The following KCNT2 variants were observed in gnomAD, a reference collection of about 807,000 sequenced individuals.
KCNT2 encodes potassium sodium-activated channel subfamily T member 2.
A neutral mutation model predicts 153.8 loss-of-function variants in KCNT2; 67 were observed. The observed-to-expected ratio is 0.44, with a 90% confidence interval of 0.36 to 0.53. KCNT2 has a LOEUF of 0.53. Among genes scored for constraint, KCNT2 ranks in the 20% least tolerant of loss-of-function variants. The pLI, the probability that KCNT2 is intolerant of heterozygous loss-of-function variation, is 0.00. For missense variants in KCNT2, 975 were observed against 1,354.8 expected (o/e 0.72, Z 4.40); for synonymous variants, 500 against 458.8 (o/e 1.09, Z -1.15).
rs376225122 is a variant in KCNT2, at chr1:196,513,586, C to T, written c.96-21245G>A. ...ACTTTTAAGAAAAAAATGAACAACTCTTACGTTAACTAAGCTCTCTTTTGC... is the reference window on the plus strand; with the variant it reads ...ACTTTTAAGAAAAAAATGAACAACTTTTACGTTAACTAAGCTCTCTTTTGC... On this transcript the variant is annotated intron_variant, in intron 1 of 27. Coordinates refer to ENST00000294725, the MANE Select transcript of KCNT2 (RefSeq NM_198503.5). Among the ~76,000 whole-genome samples, 46 of 152,304 alleles carry T rather than the reference C, an allele frequency of 3.0e-4. No individual in the cohort carries two copies. In the South Asian group the frequency reaches 9.1e-3, roughly 30 times the overall value.
At chr1:196,549,988 A>T (rs912583632) in intron 1 of KCNT2, among the ~76,000 whole-genome samples, 2 of 151,904 alleles carry the variant, frequency 1.3e-5, no homozygotes, top group African/African-American at 4.8e-5. Context: ...AAAGACAGAC[A>T]TCATGTACTT....
At position 196,583,539 on chromosome 1, in the gene KCNT2, G is replaced by A. The variant is rs1035861427; in HGVS notation, c.95+24676C>T. On this transcript the variant is annotated intron_variant, in intron 1 of 27. Transcript: ENST00000294725. The stretch of plus-strand genomic sequence containing the variant: ...AGTTTAAACAAAGCAAACTAGAAAT[G>A]AAAAGAGCAAAGAACCAAGGAAGAA... Among the ~76,000 whole-genome samples the A allele has an allele frequency of 9.2e-5, 14 of 152,040 alleles. No homozygotes were observed. The South Asian group carries it at 2.5e-3, about 27-fold the overall frequency.
intron 26 of KCNT2, chr1:196,257,330 T>A: frequency 1.0e-6 from 1 of 982,174 alleles, no homozygotes; most frequent in African/African-American, 1.7e-5. Flanking sequence ...GACTAAAATT[T>A]CTTCCTAAGA....
At chr1:196,497,154 A>G (rs1474065954) in intron 1 of KCNT2, among the ~76,000 whole-genome samples, 4 of 152,182 alleles carry the variant, frequency 2.6e-5, no homozygotes, top group African/African-American at 9.7e-5. Context: ...CTTTGTATCC[A>G]TTAAGTTCCA....
At chr1:196,270,748 C>T (rs533861434) in intron 25 of KCNT2, among the ~76,000 whole-genome samples, 13 of 151,264 alleles carry the variant, frequency 8.6e-5, no homozygotes, top group East Asian at 3.9e-4. Context: ...TGTGTGTGTG[C>T]GTGTAAGTGT....
chr1:196,303,160 CT>C (rs1661341634), intron 22 of KCNT2, among the ~76,000 whole-genome samples: 1 of 152,094 alleles, frequency 6.6e-6, no homozygotes, highest in African/African-American at 2.4e-5. Context: ...GGATGCAAAT[CT>C]CTGAAAAGCT....
At chr1:196,376,393 A>C (rs1668970133) in intron 13 of KCNT2, among the ~76,000 whole-genome samples, 1 of 152,002 alleles carries the variant, frequency 6.6e-6, no homozygotes, top group South Asian at 2.1e-4. Context: ...TTGAATATTT[A>C]TACTAAGTAG....
intron 1 of KCNT2, among the ~76,000 whole-genome samples, chr1:196,604,715 T>G (rs756414581): frequency 6.6e-6 from 1 of 151,296 alleles, no homozygotes; most frequent in African/African-American, 2.4e-5. Flanking sequence ...TTACATATAT[T>G]ATAATATATA....
In KCNT2 at chr1:196,257,205, T is replaced by C. The variant is rs113480052; in HGVS notation, c.3211+989A>G. On this transcript the variant is annotated intron_variant, in intron 26 of 27. Transcript: ENST00000294725. The stretch of plus-strand genomic sequence containing the variant: ...GAATATACACATAAAGCACCTAGCA[T>C]AGTTCCTGGAGTAGCACACATAGCA... The C allele has an allele frequency of 2.7e-3, 2,614 of 979,232 alleles. 48 individuals carry two copies. In the African/African-American group the frequency reaches 0.037, roughly 14 times the overall value. 60.7% of individuals were successfully genotyped at this position (979,232 alleles called of 1,614,324 possible). A position where few individuals can be genotyped will look rare whatever the true frequency, so the allele number is the denominator to read the frequency against.
intron 8 of KCNT2, among the ~76,000 whole-genome samples, chr1:196,439,207 A>T (rs1471146909): frequency 6.6e-6 from 1 of 151,940 alleles, no homozygotes; most frequent in Non-Finnish European, 1.5e-5. Flanking sequence ...GTTTTAAAGA[A>T]CACTGCCGCA....
intron 13 of KCNT2, among the ~76,000 whole-genome samples, chr1:196,396,058 T>C (rs991902351): frequency 2.0e-5 from 3 of 151,674 alleles, no homozygotes; most frequent in African/African-American, 7.3e-5. Flanking sequence ...AACCACCATT[T>C]TATTTCTCAA....
At chr1:196,388,126 T>G (rs1206439041) in intron 13 of KCNT2, among the ~76,000 whole-genome samples, 2 of 151,706 alleles carry the variant, frequency 1.3e-5, no homozygotes, top group Non-Finnish European at 3.0e-5. Flanking sequence ...GATATACATT[T>G]TTTCCAGAAG....
In KCNT2 at chr1:196,469,037, G is replaced by T. The variant is rs748603471; in HGVS notation, c.416C>A (p.Pro139His). The T allele has an allele frequency of 6.2e-7, 1 of 1,600,846 alleles. No homozygotes were observed. Among genetic ancestry groups the T allele is most frequent in the Non-Finnish European group, 8.5e-7 (1 of 1,171,394 alleles). ...TGCATTAATTATTTCCAAGATGAAG[G>T]GTATTCGTAAAATCTGTTCCCAGAT... ...GNIWEQILRI[P>H]FILEIINAVP... is the part of the protein sequence containing the mutation. The change falls in exon 6 of 28, where the codon CCC becomes CAC. Residue 139 changes from proline to histidine, a missense_variant. Pro to His is a moderately conservative substitution (Grantham distance 77, BLOSUM62 -2). Coordinates refer to ENST00000294725, the MANE Select transcript of KCNT2 (RefSeq NM_198503.5).
At chr1:196,563,324 G>C (rs1422703431) in intron 1 of KCNT2, among the ~76,000 whole-genome samples, 1 of 151,612 alleles carries the variant, frequency 6.6e-6, no homozygotes, top group Admixed American at 6.6e-5. Flanking sequence ...TAATTTTCAT[G>C]AGATGTTGGG....
intron 1 of KCNT2, among the ~76,000 whole-genome samples, chr1:196,493,169 T>G (rs540771187): frequency 6.6e-6 from 1 of 152,316 alleles, no homozygotes; most frequent in Non-Finnish European, 1.5e-5. Context: ...CTCAATTTCC[T>G]TAATCAGTCT....
chr1:196,451,334 A>G (rs1265394263), intron 8 of KCNT2, among the ~76,000 whole-genome samples: 3 of 136,306 alleles, frequency 2.2e-5, no homozygotes, highest in Non-Finnish European at 3.1e-5. Flanking sequence ...TGTGAATCCC[A>G]GGTTCAGGCA....
chr1:196,547,382 G>A lies in KCNT2; in HGVS notation c.96-55041C>T, dbSNP rs535196011. ...AATTGGGAGGTGGAGGTGTGAGGCA[G>A]TGTGGACACTTACTTTCTCATCCTT... On this transcript the variant is annotated intron_variant, in intron 1 of 27. Transcript: ENST00000294725. Among the ~76,000 whole-genome samples, 4 of 152,072 alleles carry A rather than the reference G, an allele frequency of 2.6e-5. No homozygotes were observed. In the South Asian group the frequency reaches 8.3e-4, roughly 32 times the overall value.
intron 1 of KCNT2, among the ~76,000 whole-genome samples, chr1:196,571,744 C>T (rs1482471010): frequency 6.6e-6 from 1 of 152,012 alleles, no homozygotes; most frequent in Admixed American, 6.5e-5. Flanking sequence ...ATTCATTATT[C>T]CCCTAGACAT....
intron 25 of KCNT2, among the ~76,000 whole-genome samples, chr1:196,275,950 G>A (rs916718910): frequency 2.6e-5 from 4 of 151,850 alleles, no homozygotes; most frequent in Non-Finnish European, 4.4e-5. Context: ...TGTTATAGCT[G>A]GTTTAGAAAA....
Sources: allele counts gnomAD v4.1 joint callset (sites outside exome capture counted in the v4.1 genomes callset), GRCh38; gene constraint gnomAD v4.1.1; transcripts MANE v1.5; gene names NCBI Gene and HGNC (gene_info 2026-07-23, HGNC 2026-07-21).